The following KCTD16 variants were observed in gnomAD, a reference collection of about 807,000 sequenced individuals.
KCTD16 encodes potassium channel tetramerization domain containing 16, also known as BTB/POZ domain-containing protein KCTD16.
Under a neutral mutation model 33.2 loss-of-function variants are expected in KCTD16, and 13 were observed. The observed-to-expected ratio is 0.39, with a 90% confidence interval of 0.25 to 0.62. The LOEUF is 0.62. KCTD16 is among the 20% of genes least tolerant of loss of function. KCTD16 has a pLI of 0.50. For synonymous variants in KCTD16, 197 were observed against 195.3 expected, an observed-to-expected ratio of 1.01 and a Z score of -0.07; for missense variants, 441 against 525.1, an observed-to-expected ratio of 0.84 and a Z score of 1.57.
At chr5:144,359,262 C>T (rs1751648034) in intron 3 of KCTD16, among the ~76,000 whole-genome samples, 1 of 152,172 alleles carries the variant, frequency 6.6e-6, no homozygotes, top group Non-Finnish European at 1.5e-5. Context: ...TCATTATAAA[C>T]ACTTCAGAAT....
intron 3 of KCTD16, among the ~76,000 whole-genome samples, chr5:144,262,906 G>A (rs955744054): frequency 2.6e-5 from 4 of 152,172 alleles, no homozygotes; most frequent in Non-Finnish European, 1.5e-5. Flanking sequence ...ACTCACCTTA[G>A]TATTTCCAGA....
rs570168177 is a variant in KCTD16 at position 144,267,885 on chromosome 5, A to G, written c.832+60339A>G. On this transcript the variant is annotated intron_variant, in intron 3 of 3. Coordinates refer to ENST00000512467, the MANE Select transcript of KCTD16 (RefSeq NM_020768.4). ...AGGCTTCCACAGGGAATTTCCCCCA[A>G]CAAAAGGAGGTATTAGTTATTTAAA... Among the ~76,000 whole-genome samples the G allele has an allele frequency of 1.1e-4, 17 of 152,274 alleles. No individual in the cohort carries two copies. In the South Asian group the frequency reaches 3.5e-3, roughly 32 times the overall value.
chr5:144,310,325 T>C (rs1335061506), intron 3 of KCTD16, among the ~76,000 whole-genome samples: 1 of 152,190 alleles, frequency 6.6e-6, no homozygotes, highest in Non-Finnish European at 1.5e-5. Flanking sequence ...GTTTATTCCA[T>C]ATTTTTGCTA....
At chr5:144,409,913 C>T (rs910117514) in intron 3 of KCTD16, among the ~76,000 whole-genome samples, 5 of 152,126 alleles carry the variant, frequency 3.3e-5, no homozygotes, top group African/African-American at 9.7e-5. Flanking sequence ...GTGAGACTGC[C>T]ACAGGCAGGG....
intron 3 of KCTD16, among the ~76,000 whole-genome samples, chr5:144,447,570 A>C (rs1753848722): frequency 6.6e-6 from 1 of 152,098 alleles, no homozygotes; most frequent in African/African-American, 2.4e-5. Flanking sequence ...AAAAAAGAAA[A>C]AAGAAAAAAC....
At chr5:144,226,199 G>T (rs1306120084) in intron 3 of KCTD16, among the ~76,000 whole-genome samples, 1 of 152,170 alleles carries the variant, frequency 6.6e-6, no homozygotes, top group African/African-American at 2.4e-5. Context: ...TTTCTCTTTA[G>T]AGCACTAAGA....
rs1401606506 is a variant in KCTD16, at chr5:144,482,215, A to C, written c.*8101A>C. 6.6e-6 allele frequency: 1 copy of C among 151,888 alleles called. No homozygotes were observed. Among genetic ancestry groups the C allele is most frequent in the African/African-American group, 2.4e-5 (1 of 41,384 alleles). The allele number at this position is 151,888 out of a possible 1,614,324, so 9.4% of individuals were successfully genotyped here. On this transcript the variant is annotated 3_prime_UTR_variant, in exon 4 of 4. Coordinates refer to ENST00000512467, the MANE Select transcript of KCTD16 (RefSeq NM_020768.4). ...CCTGACATCCTTCCTAAAAGTCATCAGTTTTTTTTGTTTGTTTGTGACTTG... is the reference window on the plus strand; with the variant it reads ...CCTGACATCCTTCCTAAAAGTCATCCGTTTTTTTTGTTTGTTTGTGACTTG...
At chr5:144,462,341 G>A (rs1754215483) in intron 3 of KCTD16, among the ~76,000 whole-genome samples, 1 of 152,072 alleles carries the variant, frequency 6.6e-6, no homozygotes, top group Non-Finnish European at 1.5e-5. Context: ...TAAACAGAAT[G>A]ATTTAATATT....
intron 3 of KCTD16, among the ~76,000 whole-genome samples, chr5:144,355,953 A>T (rs1182561304): frequency 6.6e-6 from 1 of 152,154 alleles, no homozygotes; most frequent in Non-Finnish European, 1.5e-5. Context: ...AGCTTCTGAG[A>T]TATTGAAAGG....
intron 3 of KCTD16, among the ~76,000 whole-genome samples, chr5:144,219,513 CTTTTTTTTT>C (rs59442398): frequency 3.9e-5 from 3 of 77,128 alleles, no homozygotes; most frequent in Non-Finnish European, 6.9e-5. Flanking sequence ...TGTGCTGGGC[CTTTTTTTTT>C]TTTTTTTTTT....
intron 3 of KCTD16, among the ~76,000 whole-genome samples, chr5:144,445,902 G>T (rs1293082530): frequency 6.6e-6 from 1 of 151,928 alleles, no homozygotes; most frequent in Non-Finnish European, 1.5e-5. Flanking sequence ...GTCTAGTTTA[G>T]GGAGAGACTC....
At chr5:144,284,987 A>G (rs1241697139) in intron 3 of KCTD16, among the ~76,000 whole-genome samples, 1 of 152,210 alleles carries the variant, frequency 6.6e-6, no homozygotes, top group Non-Finnish European at 1.5e-5. Context: ...CCACCATTTC[A>G]TGCCAATAGA....
At chr5:144,195,748 C>T (rs1278541943) in intron 2 of KCTD16, among the ~76,000 whole-genome samples, 1 of 152,226 alleles carries the variant, frequency 6.6e-6, no homozygotes, top group Non-Finnish European at 1.5e-5. Flanking sequence ...ATGAGTGCCT[C>T]TCTGATTTCA....
At chr5:144,308,258 T>C (rs188429236) in intron 3 of KCTD16, among the ~76,000 whole-genome samples, 130 of 152,352 alleles carry the variant, frequency 8.5e-4, no homozygotes, top group Non-Finnish European at 1.3e-3. Flanking sequence ...AGTTAAAATA[T>C]ATGCTCACAT....
intron 2 of KCTD16, among the ~76,000 whole-genome samples, chr5:144,190,329 A>G (rs1272055661): frequency 6.6e-6 from 1 of 152,114 alleles, no homozygotes; most frequent in Non-Finnish European, 1.5e-5. Flanking sequence ...CGTTCTGTAC[A>G]TTTGCGTAAG....
At chr5:144,397,905 A>G (rs1752610991) in intron 3 of KCTD16, among the ~76,000 whole-genome samples, 1 of 152,234 alleles carries the variant, frequency 6.6e-6, no homozygotes, top group African/African-American at 2.4e-5. Flanking sequence ...TGAGAAGAAC[A>G]TGTCTCAGAT....
At chr5:144,443,389 T>C (rs1034333639) in intron 3 of KCTD16, among the ~76,000 whole-genome samples, 25 of 152,172 alleles carry the variant, frequency 1.6e-4, no homozygotes, top group African/African-American at 6.0e-4. Flanking sequence ...TTGTTTTTAA[T>C]AATTTCACCA....
At chr5:144,469,775 A>C (rs1391446883) in intron 3 of KCTD16, among the ~76,000 whole-genome samples, 1 of 151,988 alleles carries the variant, frequency 6.6e-6, no homozygotes, top group Non-Finnish European at 1.5e-5. Flanking sequence ...ACAATTCAAC[A>C]TATGTGTTCA....
chr5:144,255,027 G>A (rs1419246143), intron 3 of KCTD16, among the ~76,000 whole-genome samples: 1 of 152,062 alleles, frequency 6.6e-6, no homozygotes, highest in Non-Finnish European at 1.5e-5. Context: ...GGTCTCCTAA[G>A]GTGCTGGGAT....
Sources: gnomAD v4.1 joint callset for allele counts (sites outside exome capture counted in the v4.1 genomes callset) on GRCh38, gnomAD v4.1.1 for gene constraint, MANE v1.5 for transcripts, NCBI Gene and HGNC (gene_info 2026-07-23, HGNC 2026-07-21) for gene names.